The following GRHL3 variants were observed in gnomAD, a reference collection of about 807,000 sequenced individuals.
GRHL3 encodes grainyhead-like protein 3 homolog.
A neutral mutation model predicts 70.3 loss-of-function variants in GRHL3; 20 were observed. The observed-to-expected ratio is 0.28, with a 90% CI of 0.20 to 0.41. GRHL3 has a LOEUF of 0.41. Among genes scored for constraint, GRHL3 ranks in the 10% least tolerant of loss-of-function variants. GRHL3 has a pLI of 1.00. For missense variants in GRHL3, 637 were observed against 762.3 expected (o/e 0.84, Z 1.94); for synonymous variants, 299 against 299.9 (o/e 1.00, Z 0.03).
In GRHL3 at chr1:24,346,545, C is replaced by T. The variant is rs1640292736; in HGVS notation, c.1455-8C>T. On this transcript the variant is annotated splice_polypyrimidine_tract_variant and splice_region_variant and intron_variant, in intron 12 of 15. Coordinates refer to ENST00000361548, the MANE Select transcript of GRHL3 (RefSeq NM_198173.3). The stretch of plus-strand genomic sequence containing the variant: ...TTCTCACAAGCTCCCCCACTGCCAT[C>T]CCCACAGGCTGCCTCTGAAGCGTAC... The T allele has an allele frequency of 6.2e-7, 1 of 1,606,316 alleles. No homozygotes were observed. Among genetic ancestry groups the T allele is most frequent in the African/African-American group, 1.3e-5 (1 of 74,808 alleles).
chr1:24,334,921 T>C lies in GRHL3; in HGVS notation c.266+215T>C, dbSNP rs1639737989. On this transcript the variant is annotated intron_variant, in intron 3 of 15. Transcript: ENST00000361548. This position sits in a 1 kb window ranked among gnomAD's most constrained non-coding sequence, Gnocchi z 4.3. ...TGGATTATATTCATCTTTATACCATTGTACTTACTAAAGATATTTTTAAAT... is the reference window on the plus strand; with the variant it reads ...TGGATTATATTCATCTTTATACCATCGTACTTACTAAAGATATTTTTAAAT... Among the ~76,000 whole-genome samples the C allele has an allele frequency of 6.6e-6, 1 of 152,002 alleles. No individual in the cohort carries two copies. Among genetic ancestry groups the C allele is most frequent in the African/African-American group, 2.4e-5 (1 of 41,376 alleles).
downstream of GRHL3, among the ~76,000 whole-genome samples, chr1:24,359,086 A>G (rs1640918172): frequency 6.6e-6 from 1 of 152,194 alleles, no homozygotes; most frequent in Non-Finnish European, 1.5e-5. This position sits in a 1 kb window ranked among gnomAD's most constrained non-coding sequence, Gnocchi z 5.3. Context: ...GACTTGGTTA[A>G]TGAGGGTCCC....
intron 14 of GRHL3, among the ~76,000 whole-genome samples, chr1:24,348,465 G>A (rs1415232934): frequency 7.2e-5 from 11 of 152,190 alleles, no homozygotes; most frequent in African/African-American, 2.4e-4. Context: ...GCCCTGCTCG[G>A]CATCAGCCCC....
At chr1:24,320,000 T>C in intron 1 of GRHL3, 1 of 248,664 alleles carries the variant, frequency 4.0e-6, no homozygotes, top group Non-Finnish European at 8.1e-6. Context: ...ACTTGTTTGC[T>C]GGGTTGGAAC....
intron 15 of GRHL3, among the ~76,000 whole-genome samples, chr1:24,353,560 G>A (rs1640600165): frequency 6.6e-6 from 1 of 151,938 alleles, no homozygotes; most frequent in African/African-American, 2.4e-5. Flanking sequence ...GATGGGGAGT[G>A]TGTGTATGTG....
At chr1:24,349,941 C>A in intron 14 of GRHL3, 117 bp from the exon 15 acceptor site, 1 of 676,648 alleles carries the variant, frequency 1.5e-6, no homozygotes, top group Non-Finnish European at 2.6e-6. Context: ...CATATTTGCC[C>A]ACAATATGCA....
intron 1 of GRHL3, among the ~76,000 whole-genome samples, chr1:24,328,951 G>C (rs1639494321): frequency 1.3e-5 from 2 of 152,130 alleles, no homozygotes; most frequent in African/African-American, 4.8e-5. Flanking sequence ...CGTTGGTTGG[G>C]AGTTTCCATT....
chr1:24,359,138 G>A (rs1006923893), downstream of GRHL3, among the ~76,000 whole-genome samples: 4 of 152,216 alleles, frequency 2.6e-5, no homozygotes, highest in South Asian at 2.1e-4. The surrounding 1 kb of genome is among the most constrained non-coding windows in gnomAD (Gnocchi z 5.3). Flanking sequence ...AGCCGCTCAG[G>A]GGAGCCCATG....
At chr1:24,330,555 C>T (rs929246779) in intron 1 of GRHL3, among the ~76,000 whole-genome samples, 16 of 152,206 alleles carry the variant, frequency 1.1e-4, no homozygotes, top group African/African-American at 3.1e-4. Flanking sequence ...TAGTGCCTAA[C>T]GCATGGCCAG....
chr1:24,346,303 A>G (rs916683902), intron 12 of GRHL3, among the ~76,000 whole-genome samples: 2 of 152,038 alleles, frequency 1.3e-5, no homozygotes, highest in Admixed American at 6.5e-5. Flanking sequence ...TCATCATCCC[A>G]TTTTATACAT....
At position 24,319,648 on chromosome 1, in the gene GRHL3, A is replaced by T. The variant is rs369908429; in HGVS notation, c.17+80A>T. The T allele has an allele frequency of 5.3e-5, 86 of 1,611,446 alleles. No individual in the cohort carries two copies. The African/African-American group carries it at 9.9e-4, about 18-fold the overall frequency. On this transcript the variant is annotated intron_variant, in intron 1 of 15. Transcript: ENST00000361548. The stretch of plus-strand genomic sequence containing the variant: ...GTTTCCTGGAGGGGGAAGAGCGGGG[A>T]GGCCGGCACCGGGATTCACAGAGCA...
At position 24,340,333 on chromosome 1, in the gene GRHL3, A is replaced by G. The variant is rs551684328; in HGVS notation, c.1047+571A>G. Among the ~76,000 whole-genome samples, 3 of 152,244 alleles carry G rather than the reference A, an allele frequency of 2.0e-5. No individual in the cohort carries two copies. The South Asian group carries it at 6.2e-4, about 32-fold the overall frequency. On this transcript the variant is annotated intron_variant, in intron 8 of 15. Coordinates refer to ENST00000361548, the MANE Select transcript of GRHL3 (RefSeq NM_198173.3). ...TGAGCCTGTAAAAATGAGAACAGTA[A>G]CCTGCCTGCTAGGATTGGAGTGCAG...
chr1:24,361,153 G>C lies in GRHL3; in HGVS notation c.1695-3032G>C. On this transcript the variant is annotated intron_variant, in intron 15 of 15. Transcript: ENST00000350501. ...CAGCAAGCTGTCTGGAAGAGGACTG[G>C]TCACGGCACTGGGGCAGAGCCCTAG... 16 of 1,028,070 alleles carry C rather than the reference G, an allele frequency of 1.6e-5. No homozygotes were observed. In the South Asian group the frequency reaches 2.1e-4, roughly 14 times the overall value. The allele number at this position is 1,028,070 out of a possible 1,614,324, so 63.7% of individuals were successfully genotyped here.
At chr1:24,350,206 G>A (rs1640450783) in intron 15 of GRHL3, 84 bp downstream of exon 15, 1 of 1,177,756 alleles carries the variant, frequency 8.5e-7, no homozygotes, top group African/African-American at 1.5e-5. Context: ...GGGCTGAGGG[G>A]ATGTGGAGTT....
At chr1:24,336,093 TC>T (rs934439093) in intron 3 of GRHL3, among the ~76,000 whole-genome samples, 77 of 152,300 alleles carry the variant, frequency 5.1e-4, no homozygotes, top group African/African-American at 1.8e-3. Context: ...ACACGTTTCT[TC>T]CACCCTCCCC....
At chr1:24,353,207 G>A (rs1471857979) in intron 15 of GRHL3, among the ~76,000 whole-genome samples, 1 of 152,144 alleles carries the variant, frequency 6.6e-6, no homozygotes, top group Non-Finnish European at 1.5e-5. Context: ...TTTATGAACT[G>A]GGGTAATATG....
At chr1:24,320,568 G>T (rs998474627) in intron 1 of GRHL3, among the ~76,000 whole-genome samples, 1 of 152,278 alleles carries the variant, frequency 6.6e-6, no homozygotes, top group East Asian at 1.9e-4. Flanking sequence ...GTGGGCAGAG[G>T]CAAGGATTGT....
At chr1:24,332,230 CCTTCT>C (rs1380292004) in intron 2 of GRHL3, among the ~76,000 whole-genome samples, 2 of 152,240 alleles carry the variant, frequency 1.3e-5, no homozygotes, top group Non-Finnish European at 2.9e-5. Flanking sequence ...CCAAGGCCCA[CCTTCT>C]CTTAGAAGCC....
Position 24,364,216 on chromosome 1 carries a change from CG to C in GRHL3, c.1727del (p.Arg576ProfsTer14). On this transcript the variant is annotated frameshift_variant, in exon 16 of 16. Transcript: ENST00000350501. LOFTEE classifies it low-confidence loss of function (END_TRUNC). ...TTCTCTCCTCCACCCACGCCTGTCT[CG>C]CCACCCCCCACCTGACTGTCTTGAA... The C allele has an allele frequency of 6.5e-7, 1 of 1,541,944 alleles. No homozygotes were observed. Among genetic ancestry groups the C allele is most frequent in the Non-Finnish European group, 8.7e-7 (1 of 1,143,092 alleles).
Sources: allele counts gnomAD v4.1 joint callset (sites outside exome capture counted in the v4.1 genomes callset), GRCh38; gene constraint gnomAD v4.1.1; non-coding constraint Gnocchi (gnomAD v3.1); transcripts MANE v1.5; gene names NCBI Gene and HGNC (gene_info 2026-07-23, HGNC 2026-07-21).